Variants in MCTP2 observed in about 807,000 individuals in gnomAD.
MCTP2 encodes the protein multiple C2 and transmembrane domain containing 2, also known as multiple C2 and transmembrane domain-containing protein 2.
A neutral mutation model predicts 111.6 loss-of-function variants in MCTP2; 132 were observed. That is an observed-to-expected ratio of 1.18 (90% CI 1.03 to 1.37). MCTP2 has a LOEUF of 1.37. Ranked by LOEUF, MCTP2 falls within the 40% of genes most tolerant of loss-of-function variation. MCTP2 has a pLI of 0.00. For synonymous variants in MCTP2, 395 were observed against 387.7 expected (o/e 1.02, Z -0.22); for missense variants, 1,183 against 1,067.9 (o/e 1.11, Z -1.50).
At chr15:94,427,533 A>T (rs1596673110) in intron 17 of MCTP2, among the ~76,000 whole-genome samples, 2 of 152,104 alleles carry the variant, frequency 1.3e-5, no homozygotes, top group Admixed American at 1.3e-4. Flanking sequence ...TAACAACCAG[A>T]TCTCATGAGA....
At chr15:94,265,057 G>C (rs2073435386) in intron 1 of MCTP2, among the ~76,000 whole-genome samples, 1 of 152,046 alleles carries the variant, frequency 6.6e-6, no homozygotes, top group African/African-American at 2.4e-5. Flanking sequence ...CTGTTGTGCT[G>C]ATTTGTGATA....
intron 1 of MCTP2, among the ~76,000 whole-genome samples, chr15:94,293,873 A>G (rs2075138975): frequency 6.6e-6 from 1 of 152,206 alleles, no homozygotes; most frequent in Non-Finnish European, 1.5e-5. Context: ...CATTTATCCC[A>G]GAGAAATGAG....
chr15:94,263,009 CA>C (rs543530106), intron 1 of MCTP2, among the ~76,000 whole-genome samples: 181 of 152,152 alleles, frequency 1.2e-3, no homozygotes, highest in African/African-American at 4.0e-3. Context: ...CTGCAGGAGT[CA>C]TTAAAGGTGA....
intron 1 of MCTP2, among the ~76,000 whole-genome samples, chr15:94,266,479 C>T (rs1469303482): frequency 6.6e-6 from 1 of 152,032 alleles, no homozygotes; most frequent in Non-Finnish European, 1.5e-5. Flanking sequence ...TAAATATTGC[C>T]AAATAAGTAA....
At chr15:94,303,446 C>G (rs2075740210) in intron 2 of MCTP2, among the ~76,000 whole-genome samples, 1 of 152,012 alleles carries the variant, frequency 6.6e-6, no homozygotes, top group Admixed American at 6.6e-5. Flanking sequence ...GTGGGTCTGC[C>G]TTTCCCAGCC....
At chr15:94,401,701 A>C (rs1367645276) in intron 16 of MCTP2, among the ~76,000 whole-genome samples, 199 bp from the exon 17 acceptor site, 3 of 152,206 alleles carry the variant, frequency 2.0e-5, no homozygotes, top group African/African-American at 7.2e-5. Flanking sequence ...GCTAAAATGC[A>C]TTTGATTCTC....
At chr15:94,331,026 G>GC (rs2077110578) in intron 4 of MCTP2, among the ~76,000 whole-genome samples, 1 of 152,142 alleles carries the variant, frequency 6.6e-6, no homozygotes, top group African/African-American at 2.4e-5. Flanking sequence ...GAGTCACCAT[G>GC]CCCAGCCCAG....
chr15:94,270,844 CACAG>C (rs966859098), intron 1 of MCTP2, among the ~76,000 whole-genome samples: 6 of 152,308 alleles, frequency 3.9e-5, no homozygotes, highest in African/African-American at 7.2e-5. Context: ...CCTTTACCAT[CACAG>C]ACAGACAGAA....
chr15:94,399,125 T>C (rs1470596224), intron 15 of MCTP2, 63 bp downstream of exon 15: 2 of 829,754 alleles, frequency 2.4e-6, no homozygotes, highest in Non-Finnish European at 4.1e-6. Flanking sequence ...TGACCAGCCT[T>C]TGGAGGCTCA....
chr15:94,345,264 C>A, intron 8 of MCTP2, 100 bp downstream of exon 8: 1 of 1,160,296 alleles, frequency 8.6e-7, no homozygotes. Flanking sequence ...ATCTTTACAT[C>A]AAACAGAATT....
rs187652786 is a variant in MCTP2, at chr15:94,233,430, A to G, written c.-66+1766A>G. On this transcript the variant is annotated intron_variant, in intron 1 of 22. Transcript: ENST00000357742. The stretch of plus-strand genomic sequence containing the variant: ...TGTGTTATACATGGAAGGAACAGCT[A>G]ATTTCCTATTATTGGTGTGCTTTAC... 2.2e-4 allele frequency among the ~76,000 whole-genome samples: 34 copies of G among 152,222 alleles called. No individual in the cohort carries two copies. The East Asian group carries it at 6.4e-3, about 29-fold the overall frequency.
intron 22 of MCTP2, among the ~76,000 whole-genome samples, chr15:94,477,990 T>A (rs991603519): frequency 7.2e-5 from 11 of 152,206 alleles, no homozygotes; most frequent in Non-Finnish European, 1.6e-4. Context: ...TTTATCTGCC[T>A]CTGACAAAGT....
intron 20 of MCTP2, among the ~76,000 whole-genome samples, chr15:94,465,660 G>A (rs1357756566): frequency 6.6e-6 from 1 of 152,080 alleles, no homozygotes; most frequent in African/African-American, 2.4e-5. Context: ...CACCATCACT[G>A]TCATTTCACT....
chr15:94,342,232 A>G (rs1055226132), intron 7 of MCTP2: 1 of 152,206 alleles, frequency 6.6e-6, no homozygotes, highest in African/African-American at 2.4e-5. Context: ...TATGTTTAGC[A>G]GTAATATTGG....
intron 1 of MCTP2, among the ~76,000 whole-genome samples, chr15:94,272,986 G>C (rs2073991265): frequency 6.6e-6 from 1 of 152,126 alleles, no homozygotes; most frequent in South Asian, 2.1e-4. Flanking sequence ...GGCTTTTCCA[G>C]CTGGACTTGT....
intron 7 of MCTP2, chr15:94,343,657 T>C (rs974212265): frequency 6.6e-6 from 1 of 152,168 alleles, no homozygotes; most frequent in Non-Finnish European, 1.5e-5. Flanking sequence ...TAGCTAAAAT[T>C]AGGAGCTCTG....
At chr15:94,263,362 C>G (rs937011111) in intron 1 of MCTP2, among the ~76,000 whole-genome samples, 4 of 152,156 alleles carry the variant, frequency 2.6e-5, no homozygotes, top group African/African-American at 9.7e-5. Flanking sequence ...AGGGGAAATA[C>G]AAAGTTAGCT....
chr15:94,455,722 G>A (rs1222729489), intron 19 of MCTP2, among the ~76,000 whole-genome samples: 2 of 152,162 alleles, frequency 1.3e-5, no homozygotes, highest in Admixed American at 6.5e-5. Context: ...ACCATGCCCA[G>A]CTTCAGAAAG....
intron 4 of MCTP2, among the ~76,000 whole-genome samples, chr15:94,318,183 T>C (rs2076458798): frequency 6.6e-6 from 1 of 152,114 alleles, no homozygotes; most frequent in Non-Finnish European, 1.5e-5. Flanking sequence ...AAGAGTGTTC[T>C]AGAGAGTGTG....
Sources: gnomAD v4.1 joint callset for allele counts (sites outside exome capture counted in the v4.1 genomes callset) on GRCh38, gnomAD v4.1.1 for gene constraint, MANE v1.5 for transcripts, NCBI Gene and HGNC (gene_info 2026-07-23, HGNC 2026-07-21) for gene names.